PHF14: variants seen among roughly 807,000 people sequenced by gnomAD.
PHF14 encodes the protein PHD finger protein 14.
A neutral mutation model predicts 117.9 loss-of-function variants in PHF14; 55 were observed. The observed-to-expected ratio is 0.47, with a 90% CI of 0.38 to 0.58. PHF14 has a LOEUF of 0.58. Among genes scored for constraint, PHF14 ranks in the 20% least tolerant of loss-of-function variants. The probability of loss-of-function intolerance (pLI) is 0.00; values close to 1 mark genes in which losing one functional copy is unlikely to be tolerated. For synonymous variants in PHF14, 409 were observed against 368.6 expected (o/e 1.11, Z -1.26); for missense variants, 978 against 1,122.2 (o/e 0.87, Z 1.84).
chr7:11,110,621 T>G (rs1207069266), intron 16 of PHF14: 2 of 606,344 alleles, frequency 3.3e-6, no homozygotes, highest in Non-Finnish European at 4.1e-6. Context: ...AGTTTTTAAA[T>G]GTACTAGGAA....
At chr7:11,079,146 A>G (rs1785981784) in intron 16 of PHF14, among the ~76,000 whole-genome samples, 1 of 152,188 alleles carries the variant, frequency 6.6e-6, no homozygotes, top group African/African-American at 2.4e-5. Context: ...TTTAATCTAA[A>G]CATACCTATA....
chr7:11,102,701 T>C (rs958667271), intron 16 of PHF14: 1 of 1,410,550 alleles, frequency 7.1e-7, no homozygotes, highest in Non-Finnish European at 9.2e-7. Context: ...ATTGGTTTGT[T>C]ACTTGGACTA....
intron 4 of PHF14, among the ~76,000 whole-genome samples, chr7:11,010,253 T>C (rs73678558): frequency 0.02 from 3,083 of 152,270 alleles, 121 homozygotes; most frequent in African/African-American, 0.071. Context: ...TTTGTTCTTT[T>C]ATTGGAAATA....
chr7:11,163,782 C>T (rs1450008166), intron 17 of PHF14, among the ~76,000 whole-genome samples: 1 of 152,102 alleles, frequency 6.6e-6, no homozygotes, highest in Non-Finnish European at 1.5e-5. Context: ...GTATTAAAAA[C>T]ACAGTTTTAA....
intron 4 of PHF14, among the ~76,000 whole-genome samples, chr7:10,997,006 G>A (rs964420976): frequency 1.3e-5 from 2 of 152,154 alleles, no homozygotes; most frequent in African/African-American, 2.4e-5. Flanking sequence ...GGAATATTGA[G>A]TTCTAAGTGT....
At chr7:11,058,114 T>G (rs113987669) in intron 14 of PHF14, among the ~76,000 whole-genome samples, 22 of 152,338 alleles carry the variant, frequency 1.4e-4, no homozygotes, top group African/African-American at 5.1e-4. Flanking sequence ...ACAGTTTTAT[T>G]GTTGCTAAAG....
chr7:10,990,925 A>G, intron 4 of PHF14, 78 bp downstream of exon 4: 2 of 964,472 alleles, frequency 2.1e-6, no homozygotes, highest in Non-Finnish European at 3.0e-6. Context: ...GTGGTTCTAC[A>G]ATATTTCATG....
At position 11,038,621 on chromosome 7, in the gene PHF14, G is replaced by A. The variant is rs367545692; in HGVS notation, c.1981-139G>A. Reference sequence around the variant, plus strand: ...TGTAGTGAGCCGAAATCGTGTCACCGCACTCCAGCCTGGTGACAGAGTGAG... The same window carrying A: ...TGTAGTGAGCCGAAATCGTGTCACCACACTCCAGCCTGGTGACAGAGTGAG... On this transcript the variant is annotated intron_variant, in intron 10 of 17. Transcript: ENST00000634607. The A allele has an allele frequency of 5.6e-4, 139 of 247,810 alleles. 1 individual carries two copies. In the Middle Eastern group the frequency reaches 6.4e-3, roughly 11 times the overall value. 15.4% of individuals were successfully genotyped at this position (247,810 alleles called of 1,614,324 possible).
chr7:11,031,223 A>T (rs966045733), intron 7 of PHF14, among the ~76,000 whole-genome samples: 1 of 152,058 alleles, frequency 6.6e-6, no homozygotes, highest in African/African-American at 2.4e-5. Flanking sequence ...TAGAATAAAC[A>T]TATCAGTTTC....
intron 13 of PHF14, among the ~76,000 whole-genome samples, chr7:11,049,043 A>G (rs924995375): frequency 1.3e-5 from 2 of 152,242 alleles, no homozygotes; most frequent in African/African-American, 4.8e-5. Flanking sequence ...CCAAAAGAGA[A>G]GCGAAGAGGA....
At chr7:11,094,084 G>A (rs1427014334) in intron 16 of PHF14, among the ~76,000 whole-genome samples, 1 of 152,014 alleles carries the variant, frequency 6.6e-6, no homozygotes, top group Non-Finnish European at 1.5e-5. Context: ...TTCCCACTGT[G>A]GTGGCCGCTC....
At chr7:11,046,447 A>G in intron 13 of PHF14, among the ~76,000 whole-genome samples, 1 of 152,122 alleles carries the variant, frequency 6.6e-6, no homozygotes, top group East Asian at 1.9e-4. Flanking sequence ...ATATGTCTTT[A>G]TTTTATGATG....
At chr7:11,031,232 T>A (rs1269299766) in intron 7 of PHF14, among the ~76,000 whole-genome samples, 1 of 152,146 alleles carries the variant, frequency 6.6e-6, no homozygotes, top group Non-Finnish European at 1.5e-5. Context: ...CATATCAGTT[T>A]CATCTAATGA....
At chr7:11,091,586 C>T (rs1786643114) in intron 16 of PHF14, among the ~76,000 whole-genome samples, 1 of 151,966 alleles carries the variant, frequency 6.6e-6, no homozygotes, top group Non-Finnish European at 1.5e-5. Context: ...TGAAACCCGT[C>T]TCTACTAAAA....
intron 16 of PHF14, among the ~76,000 whole-genome samples, chr7:11,092,740 C>A (rs1244475141): frequency 6.6e-6 from 1 of 152,086 alleles, no homozygotes; most frequent in Non-Finnish European, 1.5e-5. Context: ...AGACCAAGAG[C>A]TCCATTCTTT....
intron 4 of PHF14, among the ~76,000 whole-genome samples, chr7:10,995,401 C>T (rs1782602890): frequency 6.6e-6 from 1 of 152,202 alleles, no homozygotes; most frequent in Non-Finnish European, 1.5e-5. Flanking sequence ...GAGCTAGACA[C>T]AGAGTGCTGA....
intron 16 of PHF14, among the ~76,000 whole-genome samples, chr7:11,088,547 T>C (rs1786511906): frequency 6.6e-6 from 1 of 152,244 alleles, no homozygotes; most frequent in Non-Finnish European, 1.5e-5. Context: ...ATGTATTTCA[T>C]TTGTAATCCT....
At chr7:11,063,218 T>A (rs1335959413) in intron 16 of PHF14, 2 of 984,316 alleles carry the variant, frequency 2.0e-6, no homozygotes, top group Non-Finnish European at 2.4e-6. Context: ...TTGGCTAATT[T>A]TTTTGAGGTA....
intron 16 of PHF14, chr7:11,107,117 A>G (rs1392465473): frequency 1.0e-6 from 1 of 981,936 alleles, no homozygotes; most frequent in African/African-American, 1.8e-5. Context: ...TAATGAAATT[A>G]GAGATGTTAA....
Sources: allele counts gnomAD v4.1 joint callset (sites outside exome capture counted in the v4.1 genomes callset), GRCh38; gene constraint gnomAD v4.1.1; transcripts MANE v1.5; gene names NCBI Gene and HGNC (gene_info 2026-07-23, HGNC 2026-07-21).